KLF7: variants seen among roughly 807,000 people sequenced by gnomAD.
KLF7 encodes the protein KLF transcription factor 7.
In KLF7, 2 loss-of-function variants were observed where a neutral mutation model predicts 27.3. That is an observed-to-expected ratio of 0.07 (90% CI 0.03 to 0.23). The LOEUF (loss-of-function observed/expected upper bound fraction) is 0.23, where lower values mean the gene tolerates loss of function less well. Ranked by LOEUF, KLF7 falls within the 10% of genes least tolerant of loss-of-function variation. The probability of loss-of-function intolerance (pLI) is 1.00; values close to 1 mark genes in which losing one functional copy is unlikely to be tolerated. For synonymous variants in KLF7, 165 were observed against 162.4 expected, an observed-to-expected ratio of 1.02 and a Z score of -0.12; for missense variants, 221 against 394.1, an observed-to-expected ratio of 0.56 and a Z score of 3.72.
intron 1 of KLF7, among the ~76,000 whole-genome samples, chr2:207,143,297 T>C (rs945854968): frequency 1.3e-5 from 2 of 151,134 alleles, no homozygotes; most frequent in Admixed American, 6.6e-5. Context: ...AAAAGAAACG[T>C]CAGTTCCTCA....
At chr2:207,167,812 G>C (rs2078752456), upstream of KLF7, among the ~76,000 whole-genome samples, 1 of 152,200 alleles carries the variant, frequency 6.6e-6, no homozygotes, top group African/African-American at 2.4e-5. Flanking sequence ...GCGTTGTCTA[G>C]TTGTTATGAA....
In KLF7 at chr2:207,149,089, T is replaced by C. The variant is rs550906142; in HGVS notation, c.102+16378A>G. The C allele has an allele frequency of 1.3e-5, 16 of 1,262,422 alleles. No individual in the cohort carries two copies. The African/African-American group carries it at 2.2e-4, about 17-fold the overall frequency. 78.2% of individuals were successfully genotyped at this position (1,262,422 alleles called of 1,614,324 possible). On this transcript the variant is annotated intron_variant, in intron 1 of 3. Transcript: ENST00000309446. ...TAAAGGATGCAGTTTCCATCAGCTC[T>C]TAGGGACTGATAAATCTGTCTTTTC... is the stretch of plus-strand genomic sequence containing the variant.
In KLF7 at chr2:207,101,161, C is replaced by T. The variant is rs190911441; in HGVS notation, c.734-12580G>A. Among the ~76,000 whole-genome samples the T allele has an allele frequency of 7.7e-4, 118 of 152,304 alleles. 1 individual carries two copies. Among genetic ancestry groups the T allele is most frequent in the African/African-American group, 2.7e-3 (113 of 41,560 alleles). On this transcript the variant is annotated intron_variant, in intron 2 of 3. Coordinates refer to ENST00000309446, the MANE Select transcript of KLF7 (RefSeq NM_003709.4). ...TTAGACTTCTGGTCTAACTCACCGG[C>T]AATGAAAGAAATAGTCTCTTCAGTG...
At position 207,103,405 on chromosome 2, in the gene KLF7, T is replaced by C. The variant is rs139391932; in HGVS notation, c.734-14824A>G. Among the ~76,000 whole-genome samples the C allele has an allele frequency of 3.3e-5, 5 of 152,330 alleles. No homozygotes were observed. In the East Asian group the frequency reaches 9.6e-4, roughly 29 times the overall value. On this transcript the variant is annotated intron_variant, in intron 2 of 3. Transcript: ENST00000309446. ...GGTGACCAACAGAACAAAAGGAGTT[T>C]GGGCTTCTGACAGTTCTCAGTGCAG... is the stretch of plus-strand genomic sequence containing the variant.
At chr2:207,098,524 C>T (rs893585037) in intron 2 of KLF7, among the ~76,000 whole-genome samples, 8 of 152,076 alleles carry the variant, frequency 5.3e-5, no homozygotes, top group African/African-American at 1.9e-4. Context: ...TTTAAACTCA[C>T]CTTTGGTCAA....
At chr2:207,115,316 C>G (rs1009936461) in intron 2 of KLF7, among the ~76,000 whole-genome samples, 3 of 152,152 alleles carry the variant, frequency 2.0e-5, no homozygotes, top group African/African-American at 7.2e-5. Flanking sequence ...GGGTCAGTCC[C>G]CAGCTCACCT....
chr2:207,113,675 C>A (rs1383437033), intron 2 of KLF7, among the ~76,000 whole-genome samples: 5 of 150,818 alleles, frequency 3.3e-5, no homozygotes, highest in African/African-American at 9.7e-5. Flanking sequence ...TGTAGCAGGC[C>A]CAGGCTGGTA....
At chr2:207,167,339 C>T, upstream of KLF7, 1 of 374,036 alleles carries the variant, frequency 2.7e-6, no homozygotes, top group Non-Finnish European at 4.7e-6. Flanking sequence ...CCAAAATGCG[C>T]TGTGAGCTGA....
At position 207,156,745 on chromosome 2, in the gene KLF7, T is replaced by C. The variant is rs963096023; in HGVS notation, c.102+8722A>G. On this transcript the variant is annotated intron_variant, in intron 1 of 3. Transcript: ENST00000309446. Reference sequence around the variant, plus strand: ...AAGGATGAAACAACACTTGGGCAGCTGCTATTAACAAAAGTGCCAGATGAA... The same window carrying C: ...AAGGATGAAACAACACTTGGGCAGCCGCTATTAACAAAAGTGCCAGATGAA... Among the ~76,000 whole-genome samples, 9 of 152,212 alleles carry C rather than the reference T, an allele frequency of 5.9e-5. 1 individual carries two copies. Among genetic ancestry groups the C allele is most frequent in the Admixed American group, 5.9e-4 (9 of 15,276 alleles).
chr2:207,168,257 T>A (rs1443651973), upstream of KLF7, among the ~76,000 whole-genome samples: 1 of 152,222 alleles, frequency 6.6e-6, no homozygotes, highest in Admixed American at 6.5e-5. Flanking sequence ...ATAGGACATA[T>A]CGGTTAACGT....
intron 2 of KLF7, among the ~76,000 whole-genome samples, chr2:207,107,098 A>C (rs1046718223): frequency 6.6e-6 from 1 of 152,170 alleles, no homozygotes; most frequent in African/African-American, 2.4e-5. Context: ...AGCCACGTCA[A>C]TACCTGCCCC....
At chr2:207,111,590 GAA>G (rs1383751527) in intron 2 of KLF7, among the ~76,000 whole-genome samples, 1 of 152,194 alleles carries the variant, frequency 6.6e-6, no homozygotes, top group Admixed American at 6.5e-5. Context: ...GTGGCCATGA[GAA>G]TTAGCAAAGC....
intron 1 of KLF7, 34 bp from the exon 2 acceptor site, chr2:207,124,438 A>G: frequency 1.3e-6 from 2 of 1,531,882 alleles, no homozygotes; most frequent in Non-Finnish European, 1.8e-6. Context: ...AGAAACAGCC[A>G]TCAGAGGCAC....
chr2:207,097,001 TTCTGATTCAGTAGG>T (rs1401958163), intron 2 of KLF7, among the ~76,000 whole-genome samples: 1 of 152,218 alleles, frequency 6.6e-6, no homozygotes, highest in Non-Finnish European at 1.5e-5. Flanking sequence ...CCCTGAGAAG[TTCTGATTCAGTAGG>T]TCTGATTCAC....
chr2:207,119,411 G>A (rs901190437), intron 2 of KLF7, among the ~76,000 whole-genome samples: 1 of 84,858 alleles, frequency 1.2e-5, no homozygotes, highest in African/African-American at 4.1e-5. Flanking sequence ...TTTTTACATA[G>A]AAACTATTAA....
Position 207,076,678 on chromosome 2 carries a change from T to C in KLF7, c.*4535A>G, listed in dbSNP as rs1574399443. The C allele has an allele frequency of 2.0e-5, 3 of 152,168 alleles. No homozygotes were observed. The East Asian group carries it at 5.8e-4, about 29-fold the overall frequency. The allele number at this position is 152,168 out of a possible 1,614,324, so 9.4% of individuals were successfully genotyped here. A position where few individuals can be genotyped will look rare whatever the true frequency, so the allele number is the denominator to read the frequency against. ...CTCAAGTATTCCCAAAGATCCTCACTGAGGAAAGTAGGCCATCAAAGAGAC... is the reference window on the plus strand; with the variant it reads ...CTCAAGTATTCCCAAAGATCCTCACCGAGGAAAGTAGGCCATCAAAGAGAC... On this transcript the variant is annotated 3_prime_UTR_variant, in exon 4 of 4. Transcript: ENST00000309446.
intron 1 of KLF7, among the ~76,000 whole-genome samples, chr2:207,154,429 T>G (rs2078326751): frequency 6.6e-6 from 1 of 152,216 alleles, no homozygotes; most frequent in Non-Finnish European, 1.5e-5. Flanking sequence ...GATGTCAAAC[T>G]AGGCCCAGTT....
At chr2:207,149,855 G>A (rs1457798459) in intron 1 of KLF7, among the ~76,000 whole-genome samples, 1 of 152,174 alleles carries the variant, frequency 6.6e-6, no homozygotes, top group Non-Finnish European at 1.5e-5. Flanking sequence ...ATACTGCTCT[G>A]TCATTCTGAC....
At chr2:207,149,408 C>A (rs1226235013) in intron 1 of KLF7, among the ~76,000 whole-genome samples, 1 of 152,230 alleles carries the variant, frequency 6.6e-6, no homozygotes, top group African/African-American at 2.4e-5. Context: ...ATCTGCTCTA[C>A]TGGCAGCACT....
Sources: allele counts gnomAD v4.1 joint callset (sites outside exome capture counted in the v4.1 genomes callset), GRCh38; gene constraint gnomAD v4.1.1; transcripts MANE v1.5; gene names NCBI Gene and HGNC (gene_info 2026-07-23, HGNC 2026-07-21).